Variants in TAB2 observed in about 807,000 individuals in gnomAD.
The protein encoded by TAB2 is TGF-beta activated kinase 1 (MAP3K7) binding protein 2, also known as TGF-beta-activated kinase 1 and MAP3K7-binding protein 2.
Under a neutral mutation model 65.0 loss-of-function variants are expected in TAB2, and 3 were observed. The observed-to-expected ratio is 0.05, with a 90% confidence interval of 0.02 to 0.12. The LOEUF is 0.12. Among genes scored for constraint, TAB2 ranks in the 10% least tolerant of loss-of-function variants. The pLI is 1.00. For missense variants in TAB2, 623 were observed against 840.3 expected, an observed-to-expected ratio of 0.74 and a Z score of 3.20; for synonymous variants, 298 against 285.1, an observed-to-expected ratio of 1.05 and a Z score of -0.46.
rs1034268466 is a variant in TAB2 at position 149,378,879 on chromosome 6, C to G, written c.964C>G (p.Arg322Gly). 6.2e-7 allele frequency: 1 copy of G among 1,613,960 alleles called. No individual in the cohort carries two copies. ...CATTCAGAATATTTCAACAGGACCT[C>G]GAAAAAACCAGATTGAAATCAAACT... is the stretch of plus-strand genomic sequence containing the variant. ...YNIQNISTGP[R>G]KNQIEIKLEP... Residue 322 changes from arginine to glycine, a missense_variant, in exon 3 of 7, where the codon CGA becomes GGA. Coordinates refer to ENST00000637181, the MANE Select transcript of TAB2 (RefSeq NM_001292034.3).
At chr6:149,355,648 CAA>C (rs1003161762) in intron 1 of TAB2, among the ~76,000 whole-genome samples, 1 of 133,370 alleles carries the variant, frequency 7.5e-6, no homozygotes, top group African/African-American at 2.9e-5. Context: ...TCCTGTGTGA[CAA>C]GAGCAAAACT....
At chr6:149,376,147 A>T (rs949348974) in intron 2 of TAB2, among the ~76,000 whole-genome samples, 16 of 152,154 alleles carry the variant, frequency 1.1e-4, no homozygotes, top group Admixed American at 1.3e-4. Flanking sequence ...TTGACAATTT[A>T]TATTATTTTA....
rs761260364 is a variant in TAB2, at chr6:149,378,939, C to T, written c.1024C>T (p.Arg342Cys). The change falls in exon 3 of 7, where the codon CGT becomes TGT. Residue 342 changes from arginine to cysteine, a missense_variant. By Grantham distance (180) the Arg-to-Cys change is radical. Around this residue, in one of 3 missense-constraint regions of TAB2, gnomAD observed 550 missense variants for 665.7 expected, o/e 0.83. Transcript: ENST00000637181. ...PPQRNNSSKL[R>C]SSGPRTSSTS... ...ACAAAGAAATAATTCTTCAAAACTG[C>T]GTTCTTCTGGACCTCGAACCTCCAG... The T allele has an allele frequency of 3.7e-6, 6 of 1,614,032 alleles. 1 individual carries two copies. Among genetic ancestry groups the T allele is most frequent in the South Asian group, 2.2e-5 (2 of 91,090 alleles).
chr6:149,331,558 A>G (rs568992562), intron 1 of TAB2, among the ~76,000 whole-genome samples: 1 of 152,000 alleles, frequency 6.6e-6, no homozygotes, highest in Non-Finnish European at 1.5e-5. Context: ...TTCCTCTGCT[A>G]CTTGCAATGC....
chr6:149,355,876 A>T (rs1780638482), intron 1 of TAB2, among the ~76,000 whole-genome samples: 1 of 152,128 alleles, frequency 6.6e-6, no homozygotes, highest in African/African-American at 2.4e-5. Context: ...CTACCCAAAG[A>T]TTAACAGTGC....
intron 3 of TAB2, among the ~76,000 whole-genome samples, chr6:149,395,233 T>C (rs888864856): frequency 6.6e-6 from 1 of 152,270 alleles, no homozygotes; most frequent in Non-Finnish European, 1.5e-5. Flanking sequence ...ATGTTTTGAG[T>C]GTTTTTTATA....
intron 1 of TAB2, among the ~76,000 whole-genome samples, chr6:149,331,209 CT>C (rs1779772710): frequency 6.6e-6 from 1 of 151,958 alleles, no homozygotes; most frequent in South Asian, 2.1e-4. Context: ...TATGGTATGT[CT>C]TTTATTTAAT....
intron 1 of TAB2, among the ~76,000 whole-genome samples, chr6:149,234,565 T>C (rs141357437): frequency 9.8e-5 from 15 of 152,306 alleles, no homozygotes; most frequent in African/African-American, 3.6e-4. Flanking sequence ...CATTTCACAG[T>C]TGCCCACCTC....
intron 1 of TAB2, among the ~76,000 whole-genome samples, chr6:149,258,062 G>C (rs886366044): frequency 2.0e-5 from 3 of 152,310 alleles, no homozygotes; most frequent in Middle Eastern, 6.8e-3. Flanking sequence ...AACTGCAGCA[G>C]CTGTGTTTGT....
At chr6:149,380,451 T>C (rs946362255) in intron 3 of TAB2, among the ~76,000 whole-genome samples, 2 of 141,102 alleles carry the variant, frequency 1.4e-5, no homozygotes, top group African/African-American at 5.3e-5. Flanking sequence ...AATCTTTCAA[T>C]TGATTATCCT....
At chr6:149,358,335 T>A (rs1780736020) in intron 1 of TAB2, among the ~76,000 whole-genome samples, 2 of 152,226 alleles carry the variant, frequency 1.3e-5, no homozygotes, top group South Asian at 4.1e-4. Flanking sequence ...ATTCTGCACA[T>A]GAAGCAAGTT....
At position 149,369,203 on chromosome 6, in the gene TAB2, C is replaced by T. The variant is rs374111321; in HGVS notation, c.-89-706C>T. 2.0e-4 allele frequency among the ~76,000 whole-genome samples: 30 copies of T among 152,140 alleles called. No individual in the cohort carries two copies. The South Asian group carries it at 5.6e-3, about 28-fold the overall frequency. ...TTTTTCAACATTAAACATGGTTTACCTTAGAAACAATAGGAATAAAAATAA... is the reference window on the plus strand; with the variant it reads ...TTTTTCAACATTAAACATGGTTTACTTTAGAAACAATAGGAATAAAAATAA... On this transcript the variant is annotated intron_variant, in intron 1 of 6. Coordinates refer to ENST00000637181, the MANE Select transcript of TAB2 (RefSeq NM_001292034.3).
chr6:149,232,481 C>G (rs1777424465), intron 1 of TAB2, among the ~76,000 whole-genome samples: 1 of 152,198 alleles, frequency 6.6e-6, no homozygotes, highest in Non-Finnish European at 1.5e-5. Flanking sequence ...CCTGCCTCGG[C>G]CTCTCCAAGT....
At chr6:149,353,556 G>A (rs1029114537) in intron 1 of TAB2, among the ~76,000 whole-genome samples, 4 of 152,162 alleles carry the variant, frequency 2.6e-5, no homozygotes, top group African/African-American at 7.2e-5. Context: ...AGCGGGGAAC[G>A]ACCCCTTTAA....
At chr6:149,275,637 G>A (rs4897105) in intron 1 of TAB2, among the ~76,000 whole-genome samples, 75,858 of 152,012 alleles carry the variant, frequency 0.5, 19,915 homozygotes, top group East Asian at 0.69. Context: ...CAGAAGGGAG[G>A]AGAAAAAGTA....
chr6:149,328,147 T>C (rs1462115116), intron 1 of TAB2, among the ~76,000 whole-genome samples: 1 of 152,210 alleles, frequency 6.6e-6, no homozygotes, highest in Non-Finnish European at 1.5e-5. Context: ...TATCAGTATA[T>C]CAACTTTTAT....
intron 1 of TAB2, among the ~76,000 whole-genome samples, chr6:149,324,826 C>CTTTTT (rs35922173): frequency 1.5e-5 from 2 of 132,820 alleles, no homozygotes; most frequent in African/African-American, 5.7e-5. Context: ...GAAAATATTA[C>CTTTTT]TTTTTTTTTT....
At chr6:149,392,868 T>C (rs372131501) in intron 3 of TAB2, among the ~76,000 whole-genome samples, 2 of 152,170 alleles carry the variant, frequency 1.3e-5, no homozygotes, top group East Asian at 3.8e-4. Context: ...TCATAATGAG[T>C]CTAATCACAT....
chr6:149,393,947 A>T (rs1199526793), intron 3 of TAB2, among the ~76,000 whole-genome samples: 1 of 151,870 alleles, frequency 6.6e-6, no homozygotes, highest in Non-Finnish European at 1.5e-5. Context: ...GTTTTGTTTT[A>T]GCATTATTTG....
Sources: gnomAD v4.1 joint callset for allele counts (sites outside exome capture counted in the v4.1 genomes callset) on GRCh38, gnomAD v4.1.1 for gene constraint, gnomAD v4.1.1 regional missense constraint, MANE v1.5 for transcripts, NCBI Gene and HGNC (gene_info 2026-07-23, HGNC 2026-07-21) for gene names.